The following RANBP2 variants were observed in gnomAD, a reference collection of about 807,000 sequenced individuals.
RANBP2 encodes RAN binding protein 2.
A neutral mutation model predicts 303.6 loss-of-function variants in RANBP2; 57 were observed. The observed-to-expected ratio is 0.19, with a 90% confidence interval of 0.15 to 0.23. The LOEUF is 0.23. Among genes scored for constraint, RANBP2 ranks in the 10% least tolerant of loss-of-function variants. The pLI is 1.00. For synonymous variants in RANBP2, 1,167 were observed against 1,301.5 expected, an observed-to-expected ratio of 0.90 and a Z score of 2.23; for missense variants, 3,138 against 3,780.8, an observed-to-expected ratio of 0.83 and a Z score of 4.46.
chr2:109,347,785 GA>G, the RANBP2 span: 1 of 1,613,996 alleles, frequency 6.2e-7, no homozygotes, highest in Non-Finnish European at 8.5e-7. Context: ...CAAGGTGGAT[GA>G]ACAGTGGTAC....
chr2:109,041,178 C>T, the RANBP2 span, among the ~76,000 whole-genome samples: 1 of 152,218 alleles, frequency 6.6e-6, no homozygotes, highest in Non-Finnish European at 1.5e-5. Flanking sequence ...TATCCAGCAA[C>T]GTTGCTAAAC....
chr2:109,186,011 C>T, the RANBP2 span, among the ~76,000 whole-genome samples: 55 of 152,300 alleles, frequency 3.6e-4, no homozygotes, highest in East Asian at 3.1e-3. Context: ...TTCTCTGGGC[C>T]GTTTTTATTC....
chr2:109,525,167 G>T, the RANBP2 span, among the ~76,000 whole-genome samples: 1 of 150,356 alleles, frequency 6.7e-6, no homozygotes, highest in Non-Finnish European at 1.5e-5. Flanking sequence ...TTTTTGTTTG[G>T]TTTTTGAGAC....
the RANBP2 span, among the ~76,000 whole-genome samples, chr2:109,022,964 T>C: frequency 2.0e-5 from 3 of 151,842 alleles, no homozygotes; most frequent in African/African-American, 7.3e-5. Context: ...GGCAGGAGAA[T>C]CACTTGAACC....
the RANBP2 span, among the ~76,000 whole-genome samples, chr2:109,015,867 A>G: frequency 6.2e-3 from 944 of 152,378 alleles, 21 homozygotes; most frequent in East Asian, 0.067. Context: ...GCTTCTGGTC[A>G]ACAGCAGCTT....
chr2:109,491,072 C>A, the RANBP2 span: 1 of 796,522 alleles, frequency 1.3e-6, no homozygotes, highest in Non-Finnish European at 1.8e-6. Flanking sequence ...CCCAGATCCA[C>A]ATGGTCCCGA....
chr2:109,161,444 G>C, the RANBP2 span, among the ~76,000 whole-genome samples: 32 of 151,316 alleles, frequency 2.1e-4, no homozygotes, highest in African/African-American at 7.6e-4. Flanking sequence ...CTGATGGTCT[G>C]TTCTTCCCCT....
the RANBP2 span, among the ~76,000 whole-genome samples, chr2:109,528,665 G>A: frequency 1.2e-3 from 177 of 152,322 alleles, no homozygotes; most frequent in African/African-American, 4.2e-3. Context: ...CAGCAGGGCC[G>A]TGGGGCAGGA....
At chr2:109,476,183 A>G in the RANBP2 span, among the ~76,000 whole-genome samples, 1 of 152,224 alleles carries the variant, frequency 6.6e-6, no homozygotes, top group Non-Finnish European at 1.5e-5. Flanking sequence ...TCTATAAGGG[A>G]TAAGCTGTTA....
the RANBP2 span, among the ~76,000 whole-genome samples, chr2:109,131,300 T>G: frequency 2.0e-5 from 3 of 152,142 alleles, no homozygotes; most frequent in Non-Finnish European, 4.4e-5. Flanking sequence ...GGATAGTCAC[T>G]GGGGGTCACT....
the RANBP2 span, among the ~76,000 whole-genome samples, chr2:108,919,242 G>C: frequency 6.6e-6 from 1 of 152,232 alleles, no homozygotes; most frequent in Non-Finnish European, 1.5e-5. Flanking sequence ...CAGAGTAGCA[G>C]AGATTTCTCC....
At chr2:109,274,451 C>T in the RANBP2 span, among the ~76,000 whole-genome samples, 11 of 152,218 alleles carry the variant, frequency 7.2e-5, no homozygotes, top group Middle Eastern at 3.4e-3. Flanking sequence ...TTTATTCAGC[C>T]ATCAAAGGAA....
At chr2:108,729,422 A>C (rs567911781) in intron 2 of RANBP2, among the ~76,000 whole-genome samples, 151 of 152,358 alleles carry the variant, frequency 9.9e-4, no homozygotes, top group Non-Finnish European at 1.9e-3. Context: ...CAAGGGCAAG[A>C]AATTGTTTGG....
chr2:109,612,945 T>C, the RANBP2 span, among the ~76,000 whole-genome samples: 292 of 151,970 alleles, frequency 1.9e-3, 1 homozygote, highest in African/African-American at 6.4e-3. Context: ...ATGTAGGAGG[T>C]TGCTTAGTAG....
chr2:109,142,629 C>T, the RANBP2 span, among the ~76,000 whole-genome samples: 3 of 152,156 alleles, frequency 2.0e-5, no homozygotes, highest in East Asian at 1.9e-4. Context: ...GGGGGCAGAA[C>T]GCCTCTGCTT....
At chr2:109,313,882 G>A in the RANBP2 span, among the ~76,000 whole-genome samples, 1 of 144,538 alleles carries the variant, frequency 6.9e-6, no homozygotes, top group Non-Finnish European at 1.5e-5. Flanking sequence ...TTGAAGAGTG[G>A]CAGTGGAGGA....
the RANBP2 span, among the ~76,000 whole-genome samples, chr2:109,450,328 A>T: frequency 6.6e-6 from 1 of 150,994 alleles, no homozygotes; most frequent in African/African-American, 2.4e-5. Context: ...CCTGGGCAAC[A>T]GAGCAAGACT....
chr2:109,461,127 C>T, the RANBP2 span, among the ~76,000 whole-genome samples: 92 of 152,358 alleles, frequency 6.0e-4, no homozygotes, highest in Non-Finnish European at 1.1e-3. Flanking sequence ...CTGGTGCCTT[C>T]GGGACCTGCT....
the RANBP2 span, among the ~76,000 whole-genome samples, chr2:109,117,029 C>T: frequency 6.6e-6 from 1 of 152,212 alleles, no homozygotes; most frequent in Non-Finnish European, 1.5e-5. Context: ...TGTGAGGTGT[C>T]AGTCTGCCCC....
Sources: gnomAD v4.1 joint callset for allele counts (sites outside exome capture counted in the v4.1 genomes callset) on GRCh38, gnomAD v4.1.1 for gene constraint, MANE v1.5 for transcripts, NCBI Gene and HGNC (gene_info 2026-07-23, HGNC 2026-07-21) for gene names.